The following EPYC variants were observed in gnomAD, a reference collection of about 807,000 sequenced individuals.
EPYC encodes the protein epiphycan.
A neutral mutation model predicts 30.1 loss-of-function variants in EPYC; 28 were observed. That is an observed-to-expected ratio of 0.93 (90% confidence interval 0.69 to 1.28). EPYC has a LOEUF of 1.28. Ranked by LOEUF, EPYC falls within the 50% of genes most tolerant of loss-of-function variation. EPYC has a pLI of 0.00. For missense variants in EPYC, 382 were observed against 383.5 expected (o/e 1.00, Z 0.03); for synonymous variants, 144 against 141.4 (o/e 1.02, Z -0.13).
intron 2 of EPYC, among the ~76,000 whole-genome samples, chr12:91,001,456 A>G (rs763893223): frequency 2.0e-5 from 3 of 152,126 alleles, no homozygotes; most frequent in African/African-American, 7.2e-5. Context: ...AGTGTTGCAC[A>G]TTAGTTACAC....
intron 2 of EPYC, among the ~76,000 whole-genome samples, chr12:90,983,150 C>T (rs1877360704): frequency 6.6e-6 from 1 of 152,146 alleles, no homozygotes; most frequent in African/African-American, 2.4e-5. Flanking sequence ...CCAACACTTA[C>T]ATTTTATCTT....
chr12:90,978,033 A>G, intron 3 of EPYC, 55 bp downstream of exon 3: 1 of 1,450,184 alleles, frequency 6.9e-7, no homozygotes, highest in Non-Finnish European at 9.1e-7. Flanking sequence ...GAAGCTGTGC[A>G]GTTTTGAGGA....
At position 90,972,016 on chromosome 12, in the gene EPYC, A is replaced by G; in HGVS notation, c.500-14T>C. On this transcript the variant is annotated splice_polypyrimidine_tract_variant and intron_variant, in intron 4 of 6. Transcript: ENST00000261172. ...TTTTTAAATCACCTAGCAGAAAAAA[A>G]TAAAGGAAGTAATTAAATATTCTTG... 5.0e-6 allele frequency: 7 copies of G among 1,390,698 alleles called. No homozygotes were observed. The highest frequency in any genetic ancestry group is 6.9e-6 in the Non-Finnish European group (7 of 1,018,876). The allele number at this position is 1,390,698 out of a possible 1,614,324, so 86.1% of individuals were successfully genotyped here.
At chr12:91,003,078 T>C (rs971437597) in intron 1 of EPYC, among the ~76,000 whole-genome samples, 6 of 152,062 alleles carry the variant, frequency 3.9e-5, no homozygotes, top group Non-Finnish European at 8.8e-5. Flanking sequence ...TGATCCACAG[T>C]GTGGCTTAGG....
chr12:91,002,432 T>C lies in EPYC; in HGVS notation c.134A>G (p.Asn45Ser), dbSNP rs1238663089. 1 of 1,612,988 alleles carries C rather than the reference T, an allele frequency of 6.2e-7. No individual in the cohort carries two copies. Among genetic ancestry groups the C allele is most frequent in the Non-Finnish European group, 8.5e-7 (1 of 1,179,452 alleles). ...TTTATCAACAGGTATGTTTTCATAG[T>C]TGTACAAATTATCCAGGTCTTCTAA... ...ATLEDLDNLYNYENIPVDKVE... is the reference protein window; with the variant it reads ...ATLEDLDNLYSYENIPVDKVE... Residue 45 changes from asparagine to serine, a missense_variant, in exon 2 of 7, where the codon AAC (asparagine) becomes AGC (serine). Coordinates refer to ENST00000261172, the MANE Select transcript of EPYC (RefSeq NM_004950.5).
Position 90,964,223 on chromosome 12 carries a change from A to G in EPYC, c.902T>C (p.Ile301Thr), listed in dbSNP as rs549979387. Residue 301 changes from isoleucine to threonine, a missense_variant, in exon 7 of 7, where the codon ATT (isoleucine) becomes ACT (threonine). Coordinates refer to ENST00000261172, the MANE Select transcript of EPYC (RefSeq NM_004950.5). ...LEDIRLDGNP[I>T]NLSKTPQAYM... ...TGCTTGAGGAGTTTTGCTGAGATTA[A>G]TAGGGTTTCCATCCAATCGAATGTC... is the stretch of plus-strand genomic sequence containing the variant. The G allele has an allele frequency of 6.2e-6, 10 of 1,613,824 alleles. No homozygotes were observed. The highest frequency in any genetic ancestry group is 7.6e-6 in the Non-Finnish European group (9 of 1,179,778).
intron 6 of EPYC, among the ~76,000 whole-genome samples, chr12:90,967,865 G>C (rs1371120730): frequency 6.6e-6 from 1 of 152,054 alleles, no homozygotes. Flanking sequence ...TAGCTACTTG[G>C]GAGACTAGGG....
intron 6 of EPYC, among the ~76,000 whole-genome samples, chr12:90,966,521 G>A (rs1876900553): frequency 6.6e-6 from 1 of 151,812 alleles, no homozygotes. Flanking sequence ...CTATATGTTG[G>A]TGAATTCCGT....
chr12:90,999,636 T>G (rs1275982225), intron 2 of EPYC, among the ~76,000 whole-genome samples: 1 of 152,072 alleles, frequency 6.6e-6, no homozygotes, highest in Non-Finnish European at 1.5e-5. Flanking sequence ...TTGAAACAAC[T>G]CACCTTAATA....
chr12:90,982,960 A>G (rs929838682), intron 2 of EPYC, among the ~76,000 whole-genome samples: 5 of 152,234 alleles, frequency 3.3e-5, no homozygotes, highest in African/African-American at 1.2e-4. Context: ...GAGAGTACAG[A>G]TATATCTTTA....
chr12:90,997,104 C>T (rs1877710343), intron 2 of EPYC, among the ~76,000 whole-genome samples: 1 of 151,858 alleles, frequency 6.6e-6, no homozygotes, highest in Non-Finnish European at 1.5e-5. Context: ...GACACTGAGA[C>T]CTGAGAGAAA....
chr12:90,969,919 G>A (rs1350313604), intron 6 of EPYC, 125 bp downstream of exon 6: 2 of 700,694 alleles, frequency 2.9e-6, no homozygotes, highest in South Asian at 3.5e-5. Flanking sequence ...TGAGAAAAGA[G>A]AAAAAGAAGA....
At chr12:90,977,016 T>C (rs1877201138) in intron 3 of EPYC, among the ~76,000 whole-genome samples, 1 of 152,178 alleles carries the variant, frequency 6.6e-6, no homozygotes, top group South Asian at 2.1e-4. Context: ...TGGGTATGTC[T>C]TTATCAGCAG....
intron 2 of EPYC, among the ~76,000 whole-genome samples, chr12:90,981,671 T>C (rs1467996372): frequency 6.6e-6 from 1 of 152,020 alleles, no homozygotes; most frequent in African/African-American, 2.4e-5. Context: ...AGGGTAAAAA[T>C]ATGAAAAACT....
At chr12:90,978,061 T>C (rs1877229952) in intron 3 of EPYC, 27 bp downstream of exon 3, 5 of 1,524,854 alleles carry the variant, frequency 3.3e-6, no homozygotes, top group Non-Finnish European at 4.4e-6. Flanking sequence ...GTGGACTCAA[T>C]TGTAATTCTG....
chr12:90,972,129 T>G, intron 4 of EPYC, 127 bp from the exon 5 acceptor site: 1 of 570,540 alleles, frequency 1.8e-6, no homozygotes, highest in Non-Finnish European at 3.0e-6. Flanking sequence ...TGATTATCTT[T>G]CTTTTTATAA....
rs1877061763 is a variant in EPYC at position 90,971,960 on chromosome 12, T to C, written c.542A>G (p.Glu181Gly). 1.2e-6 allele frequency: 2 copies of C among 1,606,802 alleles called. No homozygotes were observed. The highest frequency in any genetic ancestry group is 1.7e-6 in the Non-Finnish European group (2 of 1,176,344). The change falls in exon 5 of 7, where the codon GAG (glutamate) becomes GGG (glycine). Residue 181 changes from glutamate to glycine, a missense_variant. Coordinates refer to ENST00000261172, the MANE Select transcript of EPYC (RefSeq NM_004950.5). Reference protein sequence around the residue: ...RIDLTSNLISEIDEDAFRKLP... With the variant: ...RIDLTSNLISGIDEDAFRKLP... Reference sequence around the variant, plus strand: ...TTTTCGGAATGCATCTTCATCAATCTCAGATATTAAATTTGATGTCAGATC... The same window carrying C: ...TTTTCGGAATGCATCTTCATCAATCCCAGATATTAAATTTGATGTCAGATC...
At chr12:90,980,405 A>C (rs1443532913) in intron 2 of EPYC, among the ~76,000 whole-genome samples, 1 of 152,190 alleles carries the variant, frequency 6.6e-6, no homozygotes, top group East Asian at 1.9e-4. Context: ...AAAACCAAGA[A>C]AAAGGAATGC....
chr12:90,988,881 C>T (rs1200564126), intron 2 of EPYC, among the ~76,000 whole-genome samples: 2 of 152,046 alleles, frequency 1.3e-5, no homozygotes, highest in Non-Finnish European at 2.9e-5. Context: ...CTGGTATTGT[C>T]TATCCATTGA....
Sources: gnomAD v4.1 joint callset for allele counts (sites outside exome capture counted in the v4.1 genomes callset) on GRCh38, gnomAD v4.1.1 for gene constraint, MANE v1.5 for transcripts, NCBI Gene and HGNC (gene_info 2026-07-23, HGNC 2026-07-21) for gene names.